Variants in SAMD5 observed in about 807,000 individuals in gnomAD.
The protein encoded by SAMD5 is sterile alpha motif domain containing 5.
SAMD5 carries 13 observed loss-of-function variants against 11.3 expected under a neutral mutation model. The observed-to-expected ratio is 1.15, with a 90% CI of 0.75 to 1.83. The LOEUF (loss-of-function observed/expected upper bound fraction) is 1.83. SAMD5 is among the 40% of genes most tolerant of loss of function. The pLI, the probability that SAMD5 is intolerant of heterozygous loss-of-function variation, is 0.00. For missense variants in SAMD5, 255 were observed against 239.1 expected, an observed-to-expected ratio of 1.07 and a Z score of -0.44; for synonymous variants, 129 against 111.3, an observed-to-expected ratio of 1.16 and a Z score of -1.00.
At chr6:147,640,583 G>A (rs944215800) in intron 1 of SAMD5, among the ~76,000 whole-genome samples, 1 of 149,342 alleles carries the variant, frequency 6.7e-6, no homozygotes, top group Non-Finnish European at 1.5e-5. Flanking sequence ...CAAGGAGGAA[G>A]CCTTAAGCAT....
At chr6:147,911,967 G>A in the SAMD5 span, among the ~76,000 whole-genome samples, 2 of 152,106 alleles carry the variant, frequency 1.3e-5, no homozygotes, top group Admixed American at 6.6e-5. Flanking sequence ...ATCATGCTAC[G>A]ACAGATTTTT....
chr6:147,724,478 G>C (rs73014091), intron 1 of SAMD5, among the ~76,000 whole-genome samples: 4,967 of 152,146 alleles, frequency 0.033, 102 homozygotes, highest in Middle Eastern at 0.092. Context: ...CTTTTTACTT[G>C]TTGCCTGAAA....
intron 1 of SAMD5, among the ~76,000 whole-genome samples, chr6:147,730,815 T>G (rs747507563): frequency 2.6e-5 from 4 of 152,074 alleles, no homozygotes; most frequent in Non-Finnish European, 5.9e-5. Context: ...TGTTCTGTGT[T>G]TTGGCACATA....
chr6:147,724,381 T>C (rs1028139788), intron 1 of SAMD5, among the ~76,000 whole-genome samples: 1 of 152,188 alleles, frequency 6.6e-6, no homozygotes, highest in Non-Finnish European at 1.5e-5. Context: ...CTTTATCCAA[T>C]TATTTTTAAT....
chr6:147,573,136 A>C (rs1789160846), downstream of SAMD5, among the ~76,000 whole-genome samples: 1 of 152,190 alleles, frequency 6.6e-6, no homozygotes, highest in African/African-American at 2.4e-5. Flanking sequence ...AGAAATGGAC[A>C]TGAGAGCTTT....
At chr6:147,548,354 C>T (rs912565757) in intron 1 of SAMD5, among the ~76,000 whole-genome samples, 1 of 152,222 alleles carries the variant, frequency 6.6e-6, no homozygotes, top group African/African-American at 2.4e-5. Flanking sequence ...TCATATCACT[C>T]TCTTACTGTC....
chr6:147,949,759 T>C, the SAMD5 span, among the ~76,000 whole-genome samples: 1 of 152,232 alleles, frequency 6.6e-6, no homozygotes, highest in African/African-American at 2.4e-5. Flanking sequence ...CTCATTTCTA[T>C]ATTGTTTGAG....
chr6:147,732,427 C>T (rs927246955), intron 1 of SAMD5, among the ~76,000 whole-genome samples: 4 of 152,084 alleles, frequency 2.6e-5, no homozygotes, highest in African/African-American at 9.7e-5. Context: ...AATAGGGAAG[C>T]CAGTAATATC....
At chr6:147,900,838 T>C in the SAMD5 span, among the ~76,000 whole-genome samples, 1 of 152,224 alleles carries the variant, frequency 6.6e-6, no homozygotes, top group Non-Finnish European at 1.5e-5. Context: ...ACTTTTAGCC[T>C]GTCCTTTCGG....
At chr6:147,883,412 C>G in the SAMD5 span, among the ~76,000 whole-genome samples, 1 of 152,158 alleles carries the variant, frequency 6.6e-6, no homozygotes, top group African/African-American at 2.4e-5. Context: ...ACGATAAAGA[C>G]TTCATCCTTG....
At chr6:147,683,392 T>A (rs1285120065) in intron 1 of SAMD5, among the ~76,000 whole-genome samples, 5 of 152,254 alleles carry the variant, frequency 3.3e-5, no homozygotes, top group African/African-American at 1.2e-4. Context: ...AAGAGATCTC[T>A]GTCTATTGGT....
In SAMD5 at chr6:147,509,239, A is replaced by G; in HGVS notation, c.311A>G (p.Gln104Arg). ...RRGEPCGGPAQGTRGDSRGHT... is the reference protein window; with the variant it reads ...RRGEPCGGPARGTRGDSRGHT... ...GGGGAGCCGTGCGGCGGCCCGGCCC[A>G]GGGCACCCGCGGGGACTCTCGCGGC... Residue 104 changes from glutamine (Q) to arginine (R), a missense_variant, in exon 1 of 2, where the codon CAG becomes CGG. By Grantham distance (43) the Gln-to-Arg change is conservative. Coordinates refer to ENST00000367474, the MANE Select transcript of SAMD5 (RefSeq NM_001030060.3). The G allele has an allele frequency of 6.8e-7, 1 of 1,481,178 alleles. No individual in the cohort carries two copies. The highest frequency in any genetic ancestry group is 9.0e-7 in the Non-Finnish European group (1 of 1,115,630). The allele number at this position is 1,481,178 out of a possible 1,614,324, so 91.8% of individuals were successfully genotyped here.
chr6:147,745,987 G>A, the SAMD5 span, among the ~76,000 whole-genome samples: 190 of 152,040 alleles, frequency 1.2e-3, no homozygotes, highest in Non-Finnish European at 2.5e-3. Flanking sequence ...AGTCATCTGC[G>A]CTTCTCGGCC....
chr6:147,811,484 C>T, the SAMD5 span, among the ~76,000 whole-genome samples: 1 of 152,098 alleles, frequency 6.6e-6, no homozygotes, highest in African/African-American at 2.4e-5. Context: ...AGCTTTTGAA[C>T]AGAACAGTAG....
rs75422016 is a variant in SAMD5 at position 147,648,409 on chromosome 6, C to T, written c.163-88908C>T. 3.3e-3 allele frequency among the ~76,000 whole-genome samples: 509 copies of T among 152,326 alleles called. 2 individuals carry two copies. The highest frequency in any genetic ancestry group is 0.012 in the African/African-American group (480 of 41,572). On this transcript the variant is annotated intron_variant, in intron 1 of 1. Transcript: ENST00000566741. ...TGATTCAATTACCTCCACCTGGTCT[C>T]TCCCTGTATATGTGGGTATTATGGG... is the stretch of plus-strand genomic sequence containing the variant.
chr6:147,918,323 C>A, the SAMD5 span, among the ~76,000 whole-genome samples: 1 of 152,046 alleles, frequency 6.6e-6, no homozygotes, highest in African/African-American at 2.4e-5. Flanking sequence ...CTCTTCGAAG[C>A]AGTTGTGAGT....
At chr6:147,863,612 T>C in the SAMD5 span, among the ~76,000 whole-genome samples, 2 of 151,854 alleles carry the variant, frequency 1.3e-5, no homozygotes, top group African/African-American at 4.8e-5. Flanking sequence ...CTTTTGTCTC[T>C]TTTATGGCAT....
intron 1 of SAMD5, among the ~76,000 whole-genome samples, chr6:147,563,764 G>A (rs979108584): frequency 1.3e-5 from 2 of 152,202 alleles, no homozygotes; most frequent in African/African-American, 4.8e-5. Flanking sequence ...AAATGAATTC[G>A]ACTAGGTTGC....
In SAMD5 at chr6:147,664,663, T is replaced by A. The variant is rs1790691750; in HGVS notation, c.163-72654T>A. Among the ~76,000 whole-genome samples the A allele has an allele frequency of 2.6e-5, 4 of 152,192 alleles. 1 individual carries two copies. In the South Asian group the frequency reaches 8.3e-4, roughly 32 times the overall value. On this transcript the variant is annotated intron_variant, in intron 1 of 1. Transcript: ENST00000566741. ...AAACACTGAATACCGTATGTAAATT[T>A]AACTGGGATTTCTATGTAATCTCTT...
Sources: allele counts gnomAD v4.1 joint callset (sites outside exome capture counted in the v4.1 genomes callset), GRCh38; gene constraint gnomAD v4.1.1; transcripts MANE v1.5; gene names NCBI Gene and HGNC (gene_info 2026-07-23, HGNC 2026-07-21).